FIGN: variants seen among roughly 807,000 people sequenced by gnomAD.
FIGN encodes the protein fidgetin, microtubule severing factor.
FIGN carries 11 observed loss-of-function variants against 51.3 expected under a neutral mutation model. The ratio of observed to expected loss-of-function variants is 0.21; its 90% confidence interval spans 0.13 to 0.35. The LOEUF (loss-of-function observed/expected upper bound fraction) is 0.35. FIGN is among the 10% of genes least tolerant of loss of function. The pLI is 1.00. For missense variants in FIGN, 857 were observed against 943.6 expected, an observed-to-expected ratio of 0.91 and a Z score of 1.20; for synonymous variants, 407 against 363.2, an observed-to-expected ratio of 1.12 and a Z score of -1.37.
chr2:163,629,896 G>C (rs1328885708), intron 2 of FIGN, among the ~76,000 whole-genome samples: 1 of 146,344 alleles, frequency 6.8e-6, no homozygotes, highest in Non-Finnish European at 1.5e-5. Flanking sequence ...AAAAAACAAA[G>C]AGATGGCATC....
chr2:163,669,138 G>T (rs1156766253), intron 2 of FIGN, among the ~76,000 whole-genome samples: 4 of 151,486 alleles, frequency 2.6e-5, no homozygotes, highest in East Asian at 3.9e-4. Flanking sequence ...CTGAAAAAAA[G>T]TTGGCCCCCC....
chr2:163,704,115 T>G (rs1464918027), intron 2 of FIGN, among the ~76,000 whole-genome samples: 1 of 152,106 alleles, frequency 6.6e-6, no homozygotes. Context: ...ATTAAAAATT[T>G]TTAAAGCTTT....
At position 163,734,983 on chromosome 2, in the gene FIGN, A is replaced by C; in HGVS notation, c.-56T>G. 6.3e-7 allele frequency: 1 copy of C among 1,599,636 alleles called. No individual in the cohort carries two copies. The highest frequency in any genetic ancestry group is 8.5e-7 in the Non-Finnish European group (1 of 1,172,456). On this transcript the variant is annotated 5_prime_UTR_variant, in exon 2 of 3. Transcript: ENST00000333129. ...GATTTCTCACAAGCAGGAATTCCAA[A>C]GGTTGCTTTTCATTAAAGCCACTTT... is the stretch of plus-strand genomic sequence containing the variant.
At position 163,609,794 on chromosome 2, in the gene FIGN, G is replaced by A; in HGVS notation, c.2038C>T (p.Leu680=). ...NYCLNDKEFA[L]LVQRTEGFSG... is the part of the protein sequence containing the mutation. ...AAGCCTTCTGTGCGCTGGACGAGCAGTGCAAACTCCTTGTCATTGAGACAG... is the reference window on the plus strand; with the variant it reads ...AAGCCTTCTGTGCGCTGGACGAGCAATGCAAACTCCTTGTCATTGAGACAG... The change falls in exon 3 of 3, where the codon CTG becomes TTG. Residue 680 remains leucine, a synonymous_variant. Transcript: ENST00000333129. The A allele has an allele frequency of 6.2e-7, 1 of 1,614,168 alleles. No homozygotes were observed. The highest frequency in any genetic ancestry group is 8.5e-7 in the Non-Finnish European group (1 of 1,180,040).
chr2:163,614,797 A>G lies in FIGN; in HGVS notation c.26-2991T>C, dbSNP rs542513571. 4.6e-5 allele frequency among the ~76,000 whole-genome samples: 7 copies of G among 152,234 alleles called. No homozygotes were observed. In the East Asian group the frequency reaches 1.4e-3, roughly 29 times the overall value. On this transcript the variant is annotated intron_variant, in intron 2 of 2. Coordinates refer to ENST00000333129, the MANE Select transcript of FIGN (RefSeq NM_018086.4). ...AATATTATAAAGAAATATACTTTTTAACTCAAATGAAACTGCTTATTTTTT... is the reference window on the plus strand; with the variant it reads ...AATATTATAAAGAAATATACTTTTTGACTCAAATGAAACTGCTTATTTTTT...
At chr2:163,676,101 A>AGGG (rs1176348903) in intron 2 of FIGN, among the ~76,000 whole-genome samples, 1 of 151,662 alleles carries the variant, frequency 6.6e-6, no homozygotes, top group Non-Finnish European at 1.5e-5. Context: ...ATTTACAATA[A>AGGG]TAGAAGACTT....
chr2:163,734,281 A>T (rs576048335), intron 2 of FIGN, among the ~76,000 whole-genome samples: 2 of 152,130 alleles, frequency 1.3e-5, no homozygotes, highest in South Asian at 4.1e-4. Context: ...GACATCAAGG[A>T]CTTTGGACAA....
chr2:163,683,901 T>G (rs928711597), intron 2 of FIGN, among the ~76,000 whole-genome samples: 3 of 152,170 alleles, frequency 2.0e-5, no homozygotes, highest in African/African-American at 7.2e-5. Context: ...TTTTTCATAC[T>G]CTGCTTAATA....
chr2:163,670,508 A>C (rs547474694), intron 2 of FIGN, among the ~76,000 whole-genome samples: 4 of 152,330 alleles, frequency 2.6e-5, no homozygotes, highest in Admixed American at 2.0e-4. Context: ...TCACATTCAA[A>C]TTCTAATTAT....
intron 2 of FIGN, among the ~76,000 whole-genome samples, chr2:163,654,837 C>A (rs1165585656): frequency 6.6e-6 from 1 of 151,888 alleles, no homozygotes; most frequent in Non-Finnish European, 1.5e-5. Context: ...CTATTATGTA[C>A]CCACAGAAAT....
At chr2:163,685,051 C>T (rs924165998) in intron 2 of FIGN, among the ~76,000 whole-genome samples, 1 of 151,478 alleles carries the variant, frequency 6.6e-6, no homozygotes, top group Non-Finnish European at 1.5e-5. Context: ...TCCCAAAGTG[C>T]TGGGATTATA....
intron 2 of FIGN, among the ~76,000 whole-genome samples, chr2:163,709,939 T>C (rs1317938395): frequency 6.6e-6 from 1 of 152,170 alleles, no homozygotes; most frequent in Non-Finnish European, 1.5e-5. Context: ...TCCTATCATA[T>C]GACAACCCAT....
intron 2 of FIGN, among the ~76,000 whole-genome samples, chr2:163,667,864 T>C (rs1683805926): frequency 6.6e-6 from 1 of 152,210 alleles, no homozygotes; most frequent in Non-Finnish European, 1.5e-5. Flanking sequence ...TGCATCTTCA[T>C]CATCTCTGCA....
At position 163,663,894 on chromosome 2, in the gene FIGN, A is replaced by G. The variant is rs1317326084; in HGVS notation, c.26-52088T>C. The stretch of plus-strand genomic sequence containing the variant: ...CGAAACTCCATCTCCAAAAGAAAAG[A>G]AAAGAAAAAAAAAAGATAGTTTACT... On this transcript the variant is annotated intron_variant, in intron 2 of 2. Coordinates refer to ENST00000333129, the MANE Select transcript of FIGN (RefSeq NM_018086.4). Among the ~76,000 whole-genome samples, 3 of 149,054 alleles carry G rather than the reference A, an allele frequency of 2.0e-5. No individual in the cohort carries two copies. The East Asian group carries it at 6.0e-4, about 30-fold the overall frequency.
In FIGN at chr2:163,654,841, C is replaced by T. The variant is rs191276232; in HGVS notation, c.26-43035G>A. The stretch of plus-strand genomic sequence containing the variant: ...TATATACATACCTATTATGTACCCA[C>T]AGAAATTAAAAAATTTAAAAAAAGA... On this transcript the variant is annotated intron_variant, in intron 2 of 2. Transcript: ENST00000333129. Among the ~76,000 whole-genome samples, 950 of 152,062 alleles carry T rather than the reference C, an allele frequency of 6.2e-3. 10 individuals carry two copies. Among genetic ancestry groups the T allele is most frequent in the African/African-American group, 0.022 (913 of 41,472 alleles).
At chr2:163,725,984 C>A (rs1224998431) in intron 2 of FIGN, among the ~76,000 whole-genome samples, 2 of 152,024 alleles carry the variant, frequency 1.3e-5, no homozygotes, top group Admixed American at 6.6e-5. Flanking sequence ...ATCTTACCAT[C>A]CATGAGTAAA....
intron 2 of FIGN, among the ~76,000 whole-genome samples, chr2:163,710,852 T>C (rs1289874595): frequency 6.6e-6 from 1 of 152,170 alleles, no homozygotes; most frequent in Non-Finnish European, 1.5e-5. Context: ...AATAAAGACC[T>C]ATGGCATTAG....
chr2:163,689,525 G>C (rs1684206060), intron 2 of FIGN, among the ~76,000 whole-genome samples: 1 of 151,980 alleles, frequency 6.6e-6, no homozygotes, highest in Non-Finnish European at 1.5e-5. Context: ...CAAAGAAAAG[G>C]ATCAAACAAT....
At chr2:163,702,570 C>T (rs1684425628) in intron 2 of FIGN, among the ~76,000 whole-genome samples, 1 of 151,858 alleles carries the variant, frequency 6.6e-6, no homozygotes, top group Non-Finnish European at 1.5e-5. Flanking sequence ...TAGCTCCAAA[C>T]CAAAGGCTAC....
Sources: gnomAD v4.1 joint callset for allele counts (sites outside exome capture counted in the v4.1 genomes callset) on GRCh38, gnomAD v4.1.1 for gene constraint, MANE v1.5 for transcripts, NCBI Gene and HGNC (gene_info 2026-07-23, HGNC 2026-07-21) for gene names.